The following CLN8 variants were observed in gnomAD, a reference collection of about 807,000 sequenced individuals.
CLN8 encodes the protein CLN8 transmembrane ER and ERGIC protein.
CLN8 carries 14 observed loss-of-function variants against 15.7 expected under a neutral mutation model. The ratio of observed to expected loss-of-function variants is 0.89; its 90% CI spans 0.59 to 1.39. The LOEUF (loss-of-function observed/expected upper bound fraction) is 1.39, where lower values mean the gene tolerates loss of function less well. CLN8 is among the 40% of genes most tolerant of loss of function. CLN8 has a pLI of 0.00. For missense variants in CLN8, 415 were observed against 364.0 expected (o/e 1.14, Z -1.14); for synonymous variants, 188 against 151.0 (o/e 1.25, Z -1.80).
At chr8:1,762,304 C>CT (rs1800817849), upstream of CLN8, 1 of 152,252 alleles carries the variant, frequency 6.6e-6, no homozygotes, top group Non-Finnish European at 1.5e-5. Flanking sequence ...CTGCTTCAGC[C>CT]TCCTGAGTAG....
rs1801807801 is a variant in CLN8, at chr8:1,785,410, TAGAC to T, written c.*4846_*4849del. ...TACGGTGGCACAGGCGGCGTGGGGTTAGACAGGTACCGGTCAGATTACGGTGGCA... is the reference window on the plus strand; with the variant it reads ...TACGGTGGCACAGGCGGCGTGGGGTTAGGTACCGGTCAGATTACGGTGGCA... On this transcript the variant is annotated 3_prime_UTR_variant, in exon 3 of 3. Transcript: ENST00000331222. 5.4e-5 allele frequency: 3 copies of T among 55,574 alleles called. No individual in the cohort carries two copies. Among genetic ancestry groups the T allele is most frequent in the Admixed American group, 3.6e-4 (2 of 5,490 alleles). The allele number at this position is 55,574 out of a possible 1,614,324, so 3.4% of individuals were successfully genotyped here.
intron 2 of CLN8, among the ~76,000 whole-genome samples, chr8:1,778,181 C>T (rs997498535): frequency 1.3e-5 from 2 of 152,180 alleles, no homozygotes; most frequent in Non-Finnish European, 2.9e-5. Flanking sequence ...GTTTACCACC[C>T]AGACAAGGAT....
chr8:1,764,555 G>A (rs1800967059), intron 1 of CLN8: 1 of 152,742 alleles, frequency 6.5e-6, no homozygotes, highest in Non-Finnish European at 1.5e-5. Flanking sequence ...GTTAGCTGGG[G>A]CGGAAGGGGA....
Position 1,771,382 on chromosome 8 carries a change from G to A in CLN8, c.328G>A (p.Ala110Thr). Residue 110 changes from alanine (A) to threonine (T), a missense_variant, in exon 2 of 3, where the codon GCA (alanine) becomes ACA (threonine). By Grantham distance (58) the Ala-to-Thr change is moderately conservative (BLOSUM62 0). Transcript: ENST00000331222. ...CTGGTGCTGGTTTCACATCACGACA[G>A]CAACGGGATTCTTTTGCTTTGAAAA... The part of the protein sequence containing the change: ...QNWCWFHITT[A>T]TGFFCFENVA... The A allele has an allele frequency of 6.2e-7, 1 of 1,614,214 alleles. No individual in the cohort carries two copies.
intron 1 of CLN8, among the ~76,000 whole-genome samples, chr8:1,770,250 T>A (rs1801244943): frequency 6.6e-6 from 1 of 152,130 alleles, no homozygotes; most frequent in Admixed American, 6.5e-5. Flanking sequence ...GTAAAGACTT[T>A]TCCAGGAGAG....
chr8:1,753,957 G>C (rs1276082395), upstream of CLN8, among the ~76,000 whole-genome samples: 1 of 152,110 alleles, frequency 6.6e-6, no homozygotes, highest in African/African-American at 2.4e-5. Flanking sequence ...AATCAAGGAG[G>C]GGGATTCAGG....
chr8:1,765,803 T>C (rs2130970726), intron 1 of CLN8, among the ~76,000 whole-genome samples: 1 of 152,316 alleles, frequency 6.6e-6, no homozygotes, highest in East Asian at 1.9e-4. Flanking sequence ...TTGCAGATTG[T>C]AAAATGCGTG....
chr8:1,777,304 A>G (rs1801559216), intron 2 of CLN8, among the ~76,000 whole-genome samples: 2 of 152,202 alleles, frequency 1.3e-5, no homozygotes, highest in African/African-American at 4.8e-5. Context: ...TTCACTGGGA[A>G]TGGAGCTTGC....
At position 1,785,163 on chromosome 8, in the gene CLN8, C is replaced by T. The variant is rs1801798561; in HGVS notation, c.*4596C>T. The stretch of plus-strand genomic sequence containing the variant: ...GTCGCTCTGCCCTCACGCCGCTGAA[C>T]CGCGAGGGTCTCCCGCTCCTCAGGC... On this transcript the variant is annotated 3_prime_UTR_variant, in exon 3 of 3. Coordinates refer to ENST00000331222, the MANE Select transcript of CLN8 (RefSeq NM_018941.4). 1 of 162,904 alleles carries T rather than the reference C, an allele frequency of 6.1e-6. No individual in the cohort carries two copies. Among genetic ancestry groups the T allele is most frequent in the Non-Finnish European group, 1.4e-5 (1 of 73,550 alleles). 10.1% of individuals were successfully genotyped at this position (162,904 alleles called of 1,614,324 possible).
intron 2 of CLN8, among the ~76,000 whole-genome samples, chr8:1,775,984 C>G (rs980574950): frequency 2.0e-5 from 3 of 152,172 alleles, no homozygotes; most frequent in African/African-American, 7.2e-5. Flanking sequence ...ATTCTGGAAG[C>G]TGAATCTGTG....
upstream of CLN8, among the ~76,000 whole-genome samples, chr8:1,753,811 G>A (rs1360717627): frequency 2.7e-5 from 4 of 149,318 alleles, no homozygotes; most frequent in South Asian, 4.3e-4. Flanking sequence ...GCTTGAACCC[G>A]GGAGGCAGAG....
At chr8:1,771,821 TTTAAGTCTTTTAGGCTTTCTC>T (rs1333570337) in intron 2 of CLN8, among the ~76,000 whole-genome samples, 1 of 152,130 alleles carries the variant, frequency 6.6e-6, no homozygotes, top group African/African-American at 2.4e-5. Flanking sequence ...TTTTCTTAAT[TTTAAGTCTTTTAGGCTTTCTC>T]TTCCTTAAGG....
chr8:1,771,702 C>A, intron 2 of CLN8, 105 bp downstream of exon 2: 1 of 983,436 alleles, frequency 1.0e-6, no homozygotes. Flanking sequence ...TGGATTGCAG[C>A]ACACACATTC....
intron 1 of CLN8, among the ~76,000 whole-genome samples, chr8:1,767,941 C>A (rs531278462): frequency 6.7e-6 from 1 of 149,720 alleles, no homozygotes; most frequent in Admixed American, 6.7e-5. Context: ...AACTTGTTTT[C>A]TTTCTTTCTT....
chr8:1,779,594 C>G (rs1257929137), intron 2 of CLN8, among the ~76,000 whole-genome samples: 1 of 152,212 alleles, frequency 6.6e-6, no homozygotes. Context: ...TCAGCTCAGG[C>G]TGCCACAGCA....
chr8:1,773,542 TG>T (rs1464182036), intron 2 of CLN8: 1 of 152,220 alleles, frequency 6.6e-6, no homozygotes, highest in Non-Finnish European at 1.5e-5. Flanking sequence ...GGTCTAAGTG[TG>T]GGTCATTTTG....
rs386834138 is a variant in CLN8 at position 1,780,472 on chromosome 8, C to G, written c.766C>G (p.Gln256Glu). 6.2e-7 allele frequency: 1 copy of G among 1,614,222 alleles called. No homozygotes were observed. The highest frequency in any genetic ancestry group is 8.5e-7 in the Non-Finnish European group (1 of 1,180,048). The change falls in exon 3 of 3, where the codon CAG (glutamine) becomes GAG (glutamate). Residue 256 changes from glutamine to glutamate, a missense_variant. Gln to Glu is a conservative substitution (Grantham distance 29). Coordinates refer to ENST00000331222, the MANE Select transcript of CLN8 (RefSeq NM_018941.4). ...NPYWTHKKTQ[Q>E]LLNPVDWNFA... Reference sequence around the variant, plus strand: ...ATATTGGACCCATAAGAAGACTCAGCAGCTTCTCAATCCGGTGGACTGGAA... The same window carrying G: ...ATATTGGACCCATAAGAAGACTCAGGAGCTTCTCAATCCGGTGGACTGGAA...
rs1801271223 is a variant in CLN8 at position 1,770,918 on chromosome 8, G to A, written c.-123-14G>A. 9.0e-6 allele frequency: 7 copies of A among 777,874 alleles called. No individual in the cohort carries two copies. In the South Asian group the frequency reaches 1.0e-4, roughly 11 times the overall value. The allele number at this position is 777,874 out of a possible 1,614,324, so 48.2% of individuals were successfully genotyped here. The stretch of plus-strand genomic sequence containing the variant: ...TCTATCGAGTCAACACAAAATGAAT[G>A]ATCTTTCTTTTAGATTGAAGATGGA... On this transcript the variant is annotated splice_polypyrimidine_tract_variant and intron_variant, in intron 1 of 2. Coordinates refer to ENST00000331222, the MANE Select transcript of CLN8 (RefSeq NM_018941.4).
upstream of CLN8, among the ~76,000 whole-genome samples, chr8:1,761,688 G>A (rs1448847461): frequency 1.3e-5 from 2 of 152,234 alleles, no homozygotes; most frequent in South Asian, 2.1e-4. Context: ...GGAGCACTGA[G>A]GGGTCAGATC....
Sources: allele counts gnomAD v4.1 joint callset (sites outside exome capture counted in the v4.1 genomes callset), GRCh38; gene constraint gnomAD v4.1.1; transcripts MANE v1.5; gene names NCBI Gene and HGNC (gene_info 2026-07-23, HGNC 2026-07-21).